Variants in MAMDC2 observed in about 807,000 individuals in gnomAD.
The protein encoded by MAMDC2 is MAM domain-containing protein 2.
In MAMDC2, 57 loss-of-function variants were observed where a neutral mutation model predicts 89.8. The ratio of observed to expected loss-of-function variants is 0.63; its 90% confidence interval spans 0.51 to 0.79. The LOEUF (loss-of-function observed/expected upper bound fraction) is 0.79, where lower values mean the gene tolerates loss of function less well. Among genes scored for constraint, MAMDC2 ranks in the 30% least tolerant of loss-of-function variants. The probability of loss-of-function intolerance (pLI) is 0.00; values close to 1 mark genes in which losing one functional copy is unlikely to be tolerated. For synonymous variants in MAMDC2, 313 were observed against 293.4 expected (o/e 1.07, Z -0.68); for missense variants, 800 against 820.6 (o/e 0.97, Z 0.31).
At chr9:70,141,789 A>G (rs2031232930) in intron 8 of MAMDC2, among the ~76,000 whole-genome samples, 3 of 152,110 alleles carry the variant, frequency 2.0e-5, no homozygotes, top group African/African-American at 7.2e-5. Context: ...GGGGCAGTAA[A>G]TTGTGGGAAA....
intron 9 of MAMDC2, among the ~76,000 whole-genome samples, chr9:70,148,760 T>C (rs975384769): frequency 6.7e-6 from 1 of 149,904 alleles, no homozygotes; most frequent in African/African-American, 2.5e-5. Context: ...CCAGGCGCGG[T>C]GGCTCACGCC....
intron 2 of MAMDC2, among the ~76,000 whole-genome samples, chr9:70,099,227 T>A (rs1385933059): frequency 6.6e-6 from 1 of 152,192 alleles, no homozygotes; most frequent in Admixed American, 6.5e-5. Flanking sequence ...ATATTAATAG[T>A]CCCAAAGATT....
At chr9:70,071,516 C>T (rs1827408383) in intron 2 of MAMDC2, 1 of 152,082 alleles carries the variant, frequency 6.6e-6, no homozygotes, top group Admixed American at 6.6e-5. Context: ...ACTTATTTCC[C>T]TGGATTGTGG....
At chr9:70,048,550 C>T (rs1055269801) in intron 2 of MAMDC2, among the ~76,000 whole-genome samples, 26 of 152,218 alleles carry the variant, frequency 1.7e-4, no homozygotes, top group Non-Finnish European at 2.8e-4. Context: ...CCACCCGCTT[C>T]GACCTCCCAA....
At chr9:70,191,091 G>A (rs1029163153) in intron 11 of MAMDC2, among the ~76,000 whole-genome samples, 7 of 152,140 alleles carry the variant, frequency 4.6e-5, no homozygotes, top group Non-Finnish European at 1.0e-4. Context: ...TCATTTTTAG[G>A]AGGTTTAGTC....
intron 9 of MAMDC2, among the ~76,000 whole-genome samples, chr9:70,156,033 A>G (rs2031753216): frequency 6.6e-6 from 1 of 152,156 alleles, no homozygotes; most frequent in Non-Finnish European, 1.5e-5. Context: ...TCTGTGAAAC[A>G]AGGACATGTT....
rs1278466836 is a variant in MAMDC2, at chr9:70,170,629, T to C, written c.1649T>C (p.Val550Ala). ...TGPKGDHTTG[V>A]GYYMYIEASH... The stretch of plus-strand genomic sequence containing the variant: ...CCAAAGGGAGATCACACTACTGGGG[T>C]AGGTGAGTTATGCCACGTGGTGCTG... The change falls in exon 11 of 14, where the codon GTA (valine) becomes GCA (alanine). Residue 550 changes from valine to alanine, a missense_variant and splice_region_variant. Val to Ala is a moderately conservative substitution (Grantham distance 64, BLOSUM62 0). Coordinates refer to ENST00000377182, the MANE Select transcript of MAMDC2 (RefSeq NM_153267.5). 1.9e-6 allele frequency: 3 copies of C among 1,590,120 alleles called. No homozygotes were observed. The highest frequency in any genetic ancestry group is 1.2e-5 in the South Asian group (1 of 86,756).
At chr9:70,126,133 C>T (rs779295924) in intron 5 of MAMDC2, 26 bp from the exon 6 acceptor site, 3 of 1,578,150 alleles carry the variant, frequency 1.9e-6, no homozygotes, top group Non-Finnish European at 2.6e-6. Context: ...ACTCTTAACA[C>T]TGTGCTCTGT....
chr9:70,147,441 T>C (rs1018604132), intron 9 of MAMDC2, among the ~76,000 whole-genome samples: 3 of 150,056 alleles, frequency 2.0e-5, no homozygotes, highest in Non-Finnish European at 4.4e-5. Flanking sequence ...AAGGAACTTA[T>C]ACTATTCCTT....
At chr9:70,212,419 C>T (rs1434140361) in intron 11 of MAMDC2, among the ~76,000 whole-genome samples, 1 of 152,238 alleles carries the variant, frequency 6.6e-6, no homozygotes, top group African/African-American at 2.4e-5. Context: ...GTTTGGGACC[C>T]TCTGAGCCAG....
intron 9 of MAMDC2, among the ~76,000 whole-genome samples, chr9:70,151,717 C>T (rs2031586489): frequency 6.6e-6 from 1 of 152,062 alleles, no homozygotes; most frequent in African/African-American, 2.4e-5. Flanking sequence ...GGGGTGTAGG[C>T]ACCTTTTGTT....
chr9:70,092,017 T>C (rs1177989225), intron 2 of MAMDC2, among the ~76,000 whole-genome samples: 2 of 152,246 alleles, frequency 1.3e-5, no homozygotes, highest in African/African-American at 4.8e-5. Context: ...TTTTAAAATA[T>C]CTTTACCTTA....
intron 11 of MAMDC2, chr9:70,172,103 C>A (rs2032368744): frequency 6.6e-6 from 1 of 152,166 alleles, no homozygotes. Flanking sequence ...TTCCCCATGC[C>A]TTGGCAAATC....
chr9:70,140,070 A>C (rs1402699754), intron 7 of MAMDC2, 75 bp from the exon 8 acceptor site: 7 of 1,424,908 alleles, frequency 4.9e-6, no homozygotes, highest in Non-Finnish European at 5.6e-6. Context: ...TGTATATATA[A>C]ATATCTGTCA....
chr9:70,221,368 T>TAGAGAGAGAGAGAGAG (rs2033553284), intron 12 of MAMDC2, among the ~76,000 whole-genome samples: 2 of 7,606 alleles, frequency 2.6e-4, no homozygotes, highest in African/African-American at 7.2e-4. Flanking sequence ...TATATATATA[T>TAGAGAGAGAGAGAGAG]ATATATATAT....
chr9:70,054,916 G>A (rs1826993900), intron 2 of MAMDC2, among the ~76,000 whole-genome samples: 1 of 151,994 alleles, frequency 6.6e-6, no homozygotes, highest in Admixed American at 6.6e-5. Context: ...CTTACTCATT[G>A]AAAAACAAAA....
chr9:70,049,801 T>C (rs1418484241), intron 2 of MAMDC2, among the ~76,000 whole-genome samples: 1 of 152,200 alleles, frequency 6.6e-6, no homozygotes, highest in Non-Finnish European at 1.5e-5. Flanking sequence ...GTGACTGCTC[T>C]CAGGTTGAGC....
At chr9:70,089,332 A>G (rs980095398) in intron 2 of MAMDC2, 4 of 152,232 alleles carry the variant, frequency 2.6e-5, no homozygotes, top group Non-Finnish European at 5.9e-5. Flanking sequence ...CATTCAGAAT[A>G]TGAAGCTTCA....
intron 11 of MAMDC2, among the ~76,000 whole-genome samples, chr9:70,207,765 G>C (rs2033258548): frequency 6.6e-6 from 1 of 152,120 alleles, no homozygotes; most frequent in Non-Finnish European, 1.5e-5. Flanking sequence ...ATGGTTTTAG[G>C]TCTAACATTT....
Sources: gnomAD v4.1 joint callset for allele counts (sites outside exome capture counted in the v4.1 genomes callset) on GRCh38, gnomAD v4.1.1 for gene constraint, MANE v1.5 for transcripts, NCBI Gene and HGNC (gene_info 2026-07-23, HGNC 2026-07-21) for gene names.